Variants in ABTB2 observed in about 807,000 individuals in gnomAD.
ABTB2 encodes ankyrin repeat and BTB domain containing 2.
A neutral mutation model predicts 104.1 loss-of-function variants in ABTB2; 56 were observed. The ratio of observed to expected loss-of-function variants is 0.54; its 90% confidence interval spans 0.43 to 0.67. The LOEUF (loss-of-function observed/expected upper bound fraction) is 0.67, where lower values mean the gene tolerates loss of function less well. Among genes scored for constraint, ABTB2 ranks in the 30% least tolerant of loss-of-function variants. The pLI, the probability that ABTB2 is intolerant of heterozygous loss-of-function variation, is 0.00. For missense variants in ABTB2, 1,279 were observed against 1,407.7 expected, an observed-to-expected ratio of 0.91 and a Z score of 1.46; for synonymous variants, 606 against 608.2, an observed-to-expected ratio of 1.00 and a Z score of 0.05.
At chr11:34,199,681 C>G (rs1243217209) in intron 2 of ABTB2, among the ~76,000 whole-genome samples, 3 of 152,142 alleles carry the variant, frequency 2.0e-5, no homozygotes, top group African/African-American at 7.2e-5. Flanking sequence ...CCACCCCTGG[C>G]GATTCCTTAC....
chr11:34,309,191 T>C (rs1854820039), intron 1 of ABTB2, among the ~76,000 whole-genome samples: 1 of 152,198 alleles, frequency 6.6e-6, no homozygotes, highest in Non-Finnish European at 1.5e-5. Flanking sequence ...TTTGCCAAAG[T>C]AAGATTAGCC....
chr11:34,283,208 G>A (rs747873530), intron 1 of ABTB2, among the ~76,000 whole-genome samples: 38 of 146,478 alleles, frequency 2.6e-4, no homozygotes, highest in African/African-American at 9.2e-4. Context: ...GTAAGCCACC[G>A]TGCCCGGCCA....
chr11:34,283,342 AG>A (rs1854470300), intron 1 of ABTB2, among the ~76,000 whole-genome samples: 1 of 151,940 alleles, frequency 6.6e-6, no homozygotes. Context: ...CAGCCTCTGG[AG>A]TAGCTGGGAT....
At chr11:34,249,345 T>C (rs1257652801) in intron 1 of ABTB2, among the ~76,000 whole-genome samples, 2 of 152,156 alleles carry the variant, frequency 1.3e-5, no homozygotes, top group Admixed American at 6.5e-5. Context: ...AATGAAAAAG[T>C]TGGCAAGAAG....
chr11:34,269,059 T>C (rs1854283048), intron 1 of ABTB2, among the ~76,000 whole-genome samples: 1 of 152,242 alleles, frequency 6.6e-6, no homozygotes, highest in Non-Finnish European at 1.5e-5. Flanking sequence ...GCAGTTGCCC[T>C]TTGTGTTTCT....
intron 1 of ABTB2, among the ~76,000 whole-genome samples, chr11:34,271,120 C>T (rs553502133): frequency 2.0e-5 from 3 of 152,194 alleles, no homozygotes; most frequent in Non-Finnish European, 2.9e-5. Context: ...GCAGGAAGCT[C>T]GGCTTTTAGA....
intron 1 of ABTB2, among the ~76,000 whole-genome samples, chr11:34,260,393 C>T (rs1854174195): frequency 6.6e-6 from 1 of 152,236 alleles, no homozygotes; most frequent in Admixed American, 6.5e-5. Context: ...GGGCTGTGTA[C>T]TGCCTCCTGA....
At chr11:34,221,694 T>A (rs1284358064) in intron 1 of ABTB2, among the ~76,000 whole-genome samples, 1 of 152,176 alleles carries the variant, frequency 6.6e-6, no homozygotes, top group Non-Finnish European at 1.5e-5. Context: ...GGCCAGAACA[T>A]TCACCTGCTG....
chr11:34,169,144 T>G (rs1417587885), intron 5 of ABTB2, among the ~76,000 whole-genome samples: 1 of 152,134 alleles, frequency 6.6e-6, no homozygotes, highest in African/African-American at 2.4e-5. Flanking sequence ...TTGTTTCATC[T>G]CCCTGCGGAC....
At chr11:34,325,608 T>C (rs1324848404) in intron 1 of ABTB2, among the ~76,000 whole-genome samples, 1 of 152,206 alleles carries the variant, frequency 6.6e-6, no homozygotes, top group African/African-American at 2.4e-5. Flanking sequence ...TACTACTGTA[T>C]TGATCTATAG....
chr11:34,158,010 A>C (rs1432791804), intron 14 of ABTB2, among the ~76,000 whole-genome samples: 1 of 152,228 alleles, frequency 6.6e-6, no homozygotes, highest in Non-Finnish European at 1.5e-5. Context: ...GGGGATAATA[A>C]CATACCTACC....
chr11:34,338,080 C>T (rs956748385), intron 1 of ABTB2, among the ~76,000 whole-genome samples: 4 of 152,036 alleles, frequency 2.6e-5, no homozygotes, highest in Admixed American at 1.3e-4. Context: ...GCAAGAGTTG[C>T]TTTAAAAATA....
At chr11:34,174,265 C>T (rs1432459411) in intron 3 of ABTB2, among the ~76,000 whole-genome samples, 1 of 143,060 alleles carries the variant, frequency 7.0e-6, no homozygotes, top group Non-Finnish European at 1.5e-5. Context: ...GCGGAGCTTG[C>T]AGTGAGCTGA....
At chr11:34,330,314 G>T (rs1318989289) in intron 1 of ABTB2, among the ~76,000 whole-genome samples, 1 of 152,160 alleles carries the variant, frequency 6.6e-6, no homozygotes, top group African/African-American at 2.4e-5. Context: ...TCCAAGATTA[G>T]GATTTGGGTC....
At chr11:34,315,000 C>T (rs796068180) in intron 1 of ABTB2, among the ~76,000 whole-genome samples, 13 of 152,298 alleles carry the variant, frequency 8.5e-5, no homozygotes, top group African/African-American at 2.9e-4. Context: ...AATGACTTCC[C>T]CAGAAAGGCC....
intron 3 of ABTB2, among the ~76,000 whole-genome samples, chr11:34,178,794 G>C (rs1023796729): frequency 1.3e-5 from 2 of 152,008 alleles, no homozygotes; most frequent in African/African-American, 2.4e-5. Context: ...CTTAAAAATT[G>C]GTCGGGCATG....
intron 1 of ABTB2, among the ~76,000 whole-genome samples, chr11:34,321,516 AC>A (rs1401076100): frequency 6.6e-6 from 1 of 152,226 alleles, no homozygotes; most frequent in Non-Finnish European, 1.5e-5. Context: ...ATTGGGATGC[AC>A]CCGGATGCAA....
chr11:34,180,154 G>A (rs1254708096), intron 3 of ABTB2, among the ~76,000 whole-genome samples: 7 of 152,204 alleles, frequency 4.6e-5, no homozygotes, highest in Non-Finnish European at 8.8e-5. Context: ...CCCACAGCAA[G>A]TATAAACATG....
intron 1 of ABTB2, among the ~76,000 whole-genome samples, chr11:34,260,171 G>A (rs1854171719): frequency 6.6e-6 from 1 of 152,130 alleles, no homozygotes; most frequent in African/African-American, 2.4e-5. Context: ...GCTTTCCTGG[G>A]TGCCCTGCCT....
Sources: allele counts gnomAD v4.1 joint callset (sites outside exome capture counted in the v4.1 genomes callset), GRCh38; gene constraint gnomAD v4.1.1; transcripts MANE v1.5; gene names NCBI Gene and HGNC (gene_info 2026-07-23, HGNC 2026-07-21).